The following CDC14A variants were observed in gnomAD, a reference collection of about 807,000 sequenced individuals.
The protein encoded by CDC14A is dual specificity protein phosphatase CDC14A.
CDC14A carries 53 observed loss-of-function variants against 74.4 expected under a neutral mutation model. That is an observed-to-expected ratio of 0.71 (90% confidence interval 0.57 to 0.89). The LOEUF (loss-of-function observed/expected upper bound fraction) is 0.89. Among genes scored for constraint, CDC14A ranks in the 40% least tolerant of loss-of-function variants. The pLI, the probability that CDC14A is intolerant of heterozygous loss-of-function variation, is 0.00. For missense variants in CDC14A, 646 were observed against 713.7 expected (o/e 0.91, Z 1.08); for synonymous variants, 247 against 258.4 (o/e 0.96, Z 0.43).
At position 100,447,086 on chromosome 1, in the gene CDC14A, A is replaced by C. The variant is rs376325294; in HGVS notation, c.519+4090A>C. Among the ~76,000 whole-genome samples, 67 of 152,242 alleles carry C rather than the reference A, an allele frequency of 4.4e-4. No individual in the cohort carries two copies. The South Asian group carries it at 0.013, about 31-fold the overall frequency. On this transcript the variant is annotated intron_variant, in intron 7 of 15. Coordinates refer to ENST00000336454, the MANE Select transcript of CDC14A (RefSeq NM_003672.4). ...GTAGCCACATGTAGCTAGAGTATGG[A>C]TTCTGTAAGGACAGGCTAGCCAATG...
intron 2 of CDC14A, among the ~76,000 whole-genome samples, chr1:100,356,266 C>A (rs1431317672): frequency 6.6e-6 from 1 of 152,164 alleles, no homozygotes; most frequent in Non-Finnish European, 1.5e-5. Flanking sequence ...TAATTACAAA[C>A]AATGGGAAAC....
At chr1:100,393,162 T>A in intron 4 of CDC14A, 1 of 1,563,826 alleles carries the variant, frequency 6.4e-7, no homozygotes, top group Non-Finnish European at 8.8e-7. Flanking sequence ...CCAATTTGAC[T>A]CCATTTCTCT....
intron 3 of CDC14A, among the ~76,000 whole-genome samples, chr1:100,381,712 T>C (rs560657764): frequency 6.6e-6 from 1 of 152,302 alleles, no homozygotes; most frequent in African/African-American, 2.4e-5. Flanking sequence ...TCAATCAGAA[T>C]GGAAAATTAT....
chr1:100,485,434 G>A (rs1344144794), intron 11 of CDC14A: 1 of 454,876 alleles, frequency 2.2e-6, no homozygotes, highest in Non-Finnish European at 2.9e-6. Context: ...AGCGTGATGT[G>A]TGCCTGTGTG....
chr1:100,499,457 A>C, intron 15 of CDC14A, 195 bp downstream of exon 15: 2 of 1,468,270 alleles, frequency 1.4e-6, no homozygotes, highest in Non-Finnish European at 1.8e-6. Context: ...ACGCCAAGTC[A>C]CAACTGGGTT....
At chr1:100,424,181 C>A in intron 4 of CDC14A, 41 bp from the exon 5 acceptor site, 2 of 1,449,812 alleles carry the variant, frequency 1.4e-6, no homozygotes, top group South Asian at 1.1e-5. Context: ...AGTTTTGTGT[C>A]ATTCTTGGGT....
At chr1:100,420,082 A>AGTGT (rs1553180579) in intron 4 of CDC14A, among the ~76,000 whole-genome samples, 1 of 105,526 alleles carries the variant, frequency 9.5e-6, no homozygotes, top group Non-Finnish European at 2.0e-5. Flanking sequence ...ATATATATAT[A>AGTGT]GTGTGTATGT....
chr1:100,427,098 G>T (rs902220618), intron 5 of CDC14A, among the ~76,000 whole-genome samples: 1 of 151,756 alleles, frequency 6.6e-6, no homozygotes, highest in Non-Finnish European at 1.5e-5. Flanking sequence ...CATTGCGTTG[G>T]CCTTCATTAT....
At chr1:100,425,887 G>A (rs1040364971) in intron 5 of CDC14A, among the ~76,000 whole-genome samples, 3 of 152,246 alleles carry the variant, frequency 2.0e-5, no homozygotes, top group Admixed American at 2.0e-4. Context: ...TTTGGAGGCA[G>A]AGAAACTTCA....
chr1:100,507,597 G>T (rs1467408404), intron 15 of CDC14A, among the ~76,000 whole-genome samples: 3 of 151,624 alleles, frequency 2.0e-5, no homozygotes, highest in Non-Finnish European at 2.9e-5. Context: ...ACCACACCCG[G>T]CTCCACTATC....
At chr1:100,356,723 G>A (rs926461438) in intron 2 of CDC14A, among the ~76,000 whole-genome samples, 3 of 151,870 alleles carry the variant, frequency 2.0e-5, no homozygotes, top group Non-Finnish European at 2.9e-5. Flanking sequence ...GCATGGTGGC[G>A]TGTTCCTATA....
intron 10 of CDC14A, among the ~76,000 whole-genome samples, chr1:100,474,493 T>C (rs1256045455): frequency 6.6e-6 from 1 of 152,138 alleles, no homozygotes. Flanking sequence ...TCAATTTCCT[T>C]AATAGATATA....
upstream of CDC14A, among the ~76,000 whole-genome samples, chr1:100,350,014 C>T (rs1473682071): frequency 1.3e-5 from 2 of 148,792 alleles, no homozygotes; most frequent in Non-Finnish European, 1.5e-5. Flanking sequence ...CACAATGATG[C>T]GATCTTGGCT....
At chr1:100,457,146 C>A (rs1666778994) in intron 8 of CDC14A, among the ~76,000 whole-genome samples, 1 of 152,134 alleles carries the variant, frequency 6.6e-6, no homozygotes, top group Non-Finnish European at 1.5e-5. Context: ...AGACTTTCAC[C>A]ATTTGTGATT....
upstream of CDC14A, among the ~76,000 whole-genome samples, chr1:100,349,576 T>C (rs984615249): frequency 6.6e-6 from 1 of 152,242 alleles, no homozygotes; most frequent in African/African-American, 2.4e-5. Context: ...ATTTTTCTTG[T>C]AGAATTTTCT....
intron 7 of CDC14A, among the ~76,000 whole-genome samples, chr1:100,445,587 A>G (rs1474084124): frequency 6.6e-6 from 1 of 152,072 alleles, no homozygotes; most frequent in Non-Finnish European, 1.5e-5. Flanking sequence ...CAAGGAGAAA[A>G]CTTGTGGATG....
chr1:100,444,418 C>T (rs962796473), intron 7 of CDC14A, among the ~76,000 whole-genome samples: 3 of 152,144 alleles, frequency 2.0e-5, no homozygotes, highest in Non-Finnish European at 4.4e-5. Context: ...GGCCCCAAAC[C>T]GGCTGTTTCT....
At chr1:100,451,756 C>T (rs922064419) in intron 7 of CDC14A, among the ~76,000 whole-genome samples, 15 of 152,126 alleles carry the variant, frequency 9.9e-5, no homozygotes, top group East Asian at 1.9e-4. Context: ...ATGGATAAAA[C>T]GAAGATGAAA....
chr1:100,352,809 C>A lies in CDC14A; in HGVS notation c.-146C>A. 2 of 1,456,444 alleles carry A rather than the reference C, an allele frequency of 1.4e-6. No homozygotes were observed. The highest frequency in any genetic ancestry group is 1.8e-6 in the Non-Finnish European group (2 of 1,110,544). The allele number at this position is 1,456,444 out of a possible 1,614,324, so 90.2% of individuals were successfully genotyped here. On this transcript the variant is annotated 5_prime_UTR_variant, in exon 1 of 16. Coordinates refer to ENST00000336454, the MANE Select transcript of CDC14A (RefSeq NM_003672.4). ...GGCGCGCTGACCCCGAAGCCGCCTC[C>A]GCCTTCGGCGCCTGCTGCCTCCCTC...
Sources: allele counts gnomAD v4.1 joint callset (sites outside exome capture counted in the v4.1 genomes callset), GRCh38; gene constraint gnomAD v4.1.1; transcripts MANE v1.5; gene names NCBI Gene and HGNC (gene_info 2026-07-23, HGNC 2026-07-21).